The following LPP variants were observed in gnomAD, a reference collection of about 807,000 sequenced individuals.
The protein encoded by LPP is lipoma-preferred partner.
A neutral mutation model predicts 60.4 loss-of-function variants in LPP; 38 were observed. The ratio of observed to expected loss-of-function variants is 0.63; its 90% CI spans 0.49 to 0.83. The LOEUF (loss-of-function observed/expected upper bound fraction) is 0.83, where lower values mean the gene tolerates loss of function less well. Among genes scored for constraint, LPP ranks in the 40% least tolerant of loss-of-function variants. The pLI is 0.00. For missense variants in LPP, 902 were observed against 783.6 expected (o/e 1.15, Z -1.80); for synonymous variants, 328 against 290.8 (o/e 1.13, Z -1.30).
In LPP at chr3:188,886,477, TG is replaced by T. The variant is rs1226195057; in HGVS notation, c.*11999del. On this transcript the variant is annotated 3_prime_UTR_variant, in exon 12 of 12. Transcript: ENST00000617246. ...GAGCACTTCTCAGAATTATCTAGTATGCCTGAGTAGAGACTCACATGGGTGG... is the reference window on the plus strand; with the variant it reads ...GAGCACTTCTCAGAATTATCTAGTATCCTGAGTAGAGACTCACATGGGTGG... The T allele has an allele frequency of 2.7e-5, 5 of 187,300 alleles. No homozygotes were observed. The South Asian group carries it at 8.9e-4, about 33-fold the overall frequency. 11.6% of individuals were successfully genotyped at this position (187,300 alleles called of 1,614,324 possible). A position where few individuals can be genotyped will look rare whatever the true frequency, so the allele number is the denominator to read the frequency against.
At chr3:188,814,722 C>A (rs377260896) in intron 9 of LPP, among the ~76,000 whole-genome samples, 5 of 152,238 alleles carry the variant, frequency 3.3e-5, no homozygotes, top group East Asian at 1.9e-4. Context: ...CACACATACA[C>A]TGAAATTCAG....
chr3:188,859,630 T>C (rs563329525), intron 9 of LPP, among the ~76,000 whole-genome samples: 1 of 152,308 alleles, frequency 6.6e-6, no homozygotes, highest in African/African-American at 2.4e-5. Context: ...TTAGAGTAAG[T>C]GAGGAGGCAG....
chr3:188,509,866 T>TG (rs1278052240), intron 5 of LPP, among the ~76,000 whole-genome samples: 1 of 94,196 alleles, frequency 1.1e-5, no homozygotes, highest in African/African-American at 3.5e-5. Context: ...CTAATTTTTT[T>TG]TTTGTTGTTT....
intron 2 of LPP, among the ~76,000 whole-genome samples, chr3:188,291,650 A>AG (rs1258420000): frequency 2.6e-5 from 4 of 151,344 alleles, no homozygotes; most frequent in Non-Finnish European, 5.9e-5. Context: ...TGTCTCAAAA[A>AG]AAAAAAAAAA....
intron 2 of LPP, among the ~76,000 whole-genome samples, chr3:188,238,019 C>T (rs371576110): frequency 4.6e-5 from 7 of 152,216 alleles, no homozygotes; most frequent in East Asian, 3.8e-4. Context: ...TATTTACCTT[C>T]GTCAGTGATC....
At chr3:188,268,685 C>T (rs1403310293) in intron 2 of LPP, among the ~76,000 whole-genome samples, 1 of 152,180 alleles carries the variant, frequency 6.6e-6, no homozygotes, top group Non-Finnish European at 1.5e-5. Flanking sequence ...TATACCTGTA[C>T]GCCCAAGTTC....
chr3:188,368,719 CAGAGAG>C (rs374471455), intron 3 of LPP, among the ~76,000 whole-genome samples: 3,983 of 99,298 alleles, frequency 0.04, 156 homozygotes, highest in African/African-American at 0.11. Flanking sequence ...CACACACACA[CAGAGAG>C]AGAGAGAGAG....
chr3:188,179,742 A>C lies in LPP; in HGVS notation c.-190+25490A>C, dbSNP rs556634204. 19 of 339,238 alleles carry C rather than the reference A, an allele frequency of 5.6e-5. No homozygotes were observed. The East Asian group carries it at 1.5e-3, about 27-fold the overall frequency. 21.0% of individuals were successfully genotyped at this position (339,238 alleles called of 1,614,324 possible). A position where few individuals can be genotyped will look rare whatever the true frequency, so the allele number is the denominator to read the frequency against. On this transcript the variant is annotated intron_variant, in intron 1 of 11. Coordinates refer to ENST00000617246, the MANE Select transcript of LPP (RefSeq NM_001375462.1). ...ATGGGCATCCTGAGTCAGTGAGAGC[A>C]GTAGTTAGCTTGCAGCAGCTTCCCC...
intron 1 of LPP, among the ~76,000 whole-genome samples, chr3:188,163,489 A>G (rs1718944750): frequency 6.6e-6 from 1 of 152,140 alleles, no homozygotes; most frequent in Non-Finnish European, 1.5e-5. Context: ...TTTTACTCTC[A>G]TAGGTGTCCT....
chr3:188,240,254 A>T (rs565405866), intron 2 of LPP: 1 of 173,148 alleles, frequency 5.8e-6, no homozygotes, highest in South Asian at 2.0e-4. Flanking sequence ...TTAAGCCAAA[A>T]AGTAGTGAGG....
chr3:188,763,083 TC>T (rs1477229886), intron 9 of LPP, among the ~76,000 whole-genome samples: 4 of 152,158 alleles, frequency 2.6e-5, no homozygotes, highest in Non-Finnish European at 5.9e-5. Flanking sequence ...TTAAGGAGAA[TC>T]CTAGAACTAT....
At chr3:188,329,681 C>T (rs1024907189) in intron 2 of LPP, among the ~76,000 whole-genome samples, 11 of 152,122 alleles carry the variant, frequency 7.2e-5, no homozygotes, top group South Asian at 4.1e-4. Context: ...CCCTACTCTC[C>T]GCTCACCACT....
At position 188,586,530 on chromosome 3, in the gene LPP, G is replaced by C. The variant is rs1428854697; in HGVS notation, c.430-22631G>C. On this transcript the variant is annotated intron_variant, in intron 6 of 11. Coordinates refer to ENST00000617246, the MANE Select transcript of LPP (RefSeq NM_001375462.1). ...GCTGTTAAACTAATAAAAGTCGTTA[G>C]AGTGTCTGTTTCAAAAATTAGTAAT... 2.6e-5 allele frequency among the ~76,000 whole-genome samples: 4 copies of C among 152,278 alleles called. No individual in the cohort carries two copies. In the South Asian group the frequency reaches 8.3e-4, roughly 32 times the overall value.
At chr3:188,240,967 T>C (rs573683214) in intron 2 of LPP, among the ~76,000 whole-genome samples, 30 of 152,330 alleles carry the variant, frequency 2.0e-4, no homozygotes, top group African/African-American at 7.0e-4. Context: ...GATTCTTTTA[T>C]TTTTAAATGA....
chr3:188,414,348 C>T (rs1785621195), intron 4 of LPP, among the ~76,000 whole-genome samples: 1 of 152,106 alleles, frequency 6.6e-6, no homozygotes, highest in Admixed American at 6.5e-5. Flanking sequence ...CTCACAGGAA[C>T]ATTTTGGATT....
chr3:188,615,225 T>A (rs1844625313), intron 7 of LPP, among the ~76,000 whole-genome samples: 3 of 152,206 alleles, frequency 2.0e-5, no homozygotes. Context: ...TATCCTGGAT[T>A]CCAGCTGATA....
chr3:188,509,996 C>T (rs562246177), intron 5 of LPP, among the ~76,000 whole-genome samples: 10 of 149,936 alleles, frequency 6.7e-5, no homozygotes, highest in African/African-American at 2.4e-4. Context: ...GGATTAGAGG[C>T]GTGAGCCACT....
chr3:188,553,812 C>T (rs1011711232), intron 6 of LPP: 1 of 152,196 alleles, frequency 6.6e-6, no homozygotes, highest in African/African-American at 2.4e-5. Context: ...AAAGTGGAAT[C>T]AACCTCAAAG....
intron 2 of LPP, among the ~76,000 whole-genome samples, chr3:188,258,773 T>C (rs1732564982): frequency 6.6e-6 from 1 of 152,240 alleles, no homozygotes; most frequent in African/African-American, 2.4e-5. Flanking sequence ...TTTCATTATT[T>C]TGTTGGTACA....
Sources: allele counts gnomAD v4.1 joint callset (sites outside exome capture counted in the v4.1 genomes callset), GRCh38; gene constraint gnomAD v4.1.1; transcripts MANE v1.5; gene names NCBI Gene and HGNC (gene_info 2026-07-23, HGNC 2026-07-21).